The following USP37 variants were observed in gnomAD, a reference collection of about 807,000 sequenced individuals.
The protein encoded by USP37 is ubiquitin carboxyl-terminal hydrolase 37.
Under a neutral mutation model 124.0 loss-of-function variants are expected in USP37, and 27 were observed. The ratio of observed to expected loss-of-function variants is 0.22; its 90% confidence interval spans 0.16 to 0.30. The LOEUF is 0.30. Among genes scored for constraint, USP37 ranks in the 10% least tolerant of loss-of-function variants. The pLI, the probability that USP37 is intolerant of heterozygous loss-of-function variation, is 1.00. For synonymous variants in USP37, 365 were observed against 388.0 expected (o/e 0.94, Z 0.70); for missense variants, 889 against 1,140.4 (o/e 0.78, Z 3.17).
At chr2:218,506,933 A>G (rs1689714433) in intron 11 of USP37, among the ~76,000 whole-genome samples, 1 of 151,696 alleles carries the variant, frequency 6.6e-6, no homozygotes, top group Non-Finnish European at 1.5e-5. Flanking sequence ...AATAGCTGGG[A>G]TTACAGGCAC....
chr2:218,467,151 C>G (rs1344178028), intron 20 of USP37, among the ~76,000 whole-genome samples: 2 of 151,822 alleles, frequency 1.3e-5, no homozygotes, highest in African/African-American at 2.4e-5. Context: ...TTAAAACATT[C>G]AGGAAGGTAA....
chr2:218,553,368 AATG>A (rs1692772511), intron 5 of USP37, among the ~76,000 whole-genome samples, 182 bp downstream of exon 5: 1 of 152,190 alleles, frequency 6.6e-6, no homozygotes, highest in African/African-American at 2.4e-5. Context: ...ATTTGTCAAG[AATG>A]ATGTGTTACA....
rs746252977 is a variant in USP37 at position 218,497,822 on chromosome 2, C to T, written c.1193G>A (p.Cys398Tyr). 18 of 1,613,990 alleles carry T rather than the reference C, an allele frequency of 1.1e-5. No individual in the cohort carries two copies. The highest frequency in any genetic ancestry group is 1.4e-5 in the Non-Finnish European group (16 of 1,180,012). ...FAHLLVKKDI[C>Y]NSETKKDLLK... ...TAAATCCTTTTTGGTCTCTGAATTACAGATATCTTTTTTAACAAGCAAGTG... is the reference window on the plus strand; with the variant it reads ...TAAATCCTTTTTGGTCTCTGAATTATAGATATCTTTTTTAACAAGCAAGTG... Residue 398 changes from cysteine to tyrosine, a missense_variant, in exon 13 of 26, where the codon TGT becomes TAT. This residue lies in a region of USP37 where 504 missense variants were observed against 714.3 expected (regional missense o/e 0.71). Transcript: ENST00000258399.
intron 10 of USP37, among the ~76,000 whole-genome samples, chr2:218,519,002 G>A (rs1309633265): frequency 6.6e-6 from 1 of 152,160 alleles, no homozygotes; most frequent in Admixed American, 6.6e-5. Context: ...ACTAGAATTT[G>A]CTGCCCTTTC....
chr2:218,499,293 C>CA (rs35377276), intron 11 of USP37, among the ~76,000 whole-genome samples: 91,009 of 150,866 alleles, frequency 0.6, 27,562 homozygotes, highest in East Asian at 0.78. Flanking sequence ...CAAAAAACAA[C>CA]AAAAAAAAAC....
chr2:218,517,966 T>C (rs1690391623), intron 10 of USP37, among the ~76,000 whole-genome samples: 1 of 151,604 alleles, frequency 6.6e-6, no homozygotes, highest in African/African-American at 2.4e-5. Flanking sequence ...CCCCCACCCC[T>C]TTTTTTTGAG....
chr2:218,486,315 AAGTCT>A (rs1419517322), intron 15 of USP37: 2 of 152,284 alleles, frequency 1.3e-5, no homozygotes, highest in Non-Finnish European at 2.9e-5. Context: ...AAAATCTTCA[AAGTCT>A]ATGATAATAA....
chr2:218,541,600 A>G (rs970509844), intron 8 of USP37, among the ~76,000 whole-genome samples: 1 of 152,168 alleles, frequency 6.6e-6, no homozygotes, highest in African/African-American at 2.4e-5. Context: ...TAGAGGATGC[A>G]TGGAATTGAT....
intron 11 of USP37, among the ~76,000 whole-genome samples, chr2:218,500,316 G>T (rs1181969799): frequency 6.6e-6 from 1 of 152,154 alleles, no homozygotes; most frequent in Non-Finnish European, 1.5e-5. Flanking sequence ...CTGGAGTGCA[G>T]TGGTGTCATC....
chr2:218,512,831 A>G (rs1227280531), intron 10 of USP37, among the ~76,000 whole-genome samples: 1 of 152,154 alleles, frequency 6.6e-6, no homozygotes, highest in Non-Finnish European at 1.5e-5. Context: ...TTTCTCTTTT[A>G]CATAGCACAT....
At chr2:218,478,657 C>A (rs1691098146) in intron 18 of USP37, among the ~76,000 whole-genome samples, 1 of 152,164 alleles carries the variant, frequency 6.6e-6, no homozygotes, top group Admixed American at 6.6e-5. Flanking sequence ...TGACTTGGTA[C>A]ATAGAGTGCA....
chr2:218,546,381 G>T (rs370055966), intron 7 of USP37, 83 bp from the exon 8 acceptor site: 3 of 898,022 alleles, frequency 3.3e-6, no homozygotes, highest in Non-Finnish European at 3.5e-6. Flanking sequence ...CTGAAGGACA[G>T]GAAATGGGAC....
chr2:218,459,696 C>A, intron 23 of USP37, 94 bp downstream of exon 23: 2 of 992,294 alleles, frequency 2.0e-6, no homozygotes, highest in East Asian at 2.6e-5. Flanking sequence ...CAAAATGAAC[C>A]TGCAGTGGAC....
At chr2:218,557,289 T>C (rs1056234328) in intron 4 of USP37, among the ~76,000 whole-genome samples, 3 of 152,180 alleles carry the variant, frequency 2.0e-5, no homozygotes, top group African/African-American at 7.2e-5. Flanking sequence ...GTCATGCTCC[T>C]AAAGATCTGT....
At position 218,493,690 on chromosome 2, in the gene USP37, C is replaced by T. The variant is rs200823452; in HGVS notation, c.1472+2070G>A. Among the ~76,000 whole-genome samples, 10 of 152,172 alleles carry T rather than the reference C, an allele frequency of 6.6e-5. No homozygotes were observed. In the East Asian group the frequency reaches 1.7e-3, roughly 26 times the overall value. On this transcript the variant is annotated intron_variant, in intron 14 of 25. Coordinates refer to ENST00000258399, the MANE Select transcript of USP37 (RefSeq NM_020935.3). Reference sequence around the variant, plus strand: ...TTCACCATGTTGGCCAGGCTGGTCTCGAACTCCTGACCTCAGGTGATCCAC... The same window carrying T: ...TTCACCATGTTGGCCAGGCTGGTCTTGAACTCCTGACCTCAGGTGATCCAC...
chr2:218,533,162 T>A (rs1691428515), intron 9 of USP37, among the ~76,000 whole-genome samples: 1 of 152,132 alleles, frequency 6.6e-6, no homozygotes, highest in African/African-American at 2.4e-5. Context: ...TGAAAGAAGC[T>A]ATAATAGCAA....
chr2:218,499,887 T>A (rs1689279133), intron 11 of USP37, among the ~76,000 whole-genome samples: 1 of 151,488 alleles, frequency 6.6e-6, no homozygotes, highest in Non-Finnish European at 1.5e-5. Flanking sequence ...GCTCGAGCAA[T>A]CCTCCCACCT....
At chr2:218,479,249 C>A (rs920058829) in intron 18 of USP37, among the ~76,000 whole-genome samples, 3 of 152,110 alleles carry the variant, frequency 2.0e-5, no homozygotes, top group Non-Finnish European at 4.4e-5. Context: ...GACTGGCTAA[C>A]AACAGGTAAA....
chr2:218,523,809 T>C (rs530894575), intron 10 of USP37, among the ~76,000 whole-genome samples: 53 of 152,334 alleles, frequency 3.5e-4, no homozygotes, highest in African/African-American at 1.2e-3. Flanking sequence ...ATGACAATTC[T>C]GTTTTTCCCC....
Sources: gnomAD v4.1 joint callset for allele counts (sites outside exome capture counted in the v4.1 genomes callset) on GRCh38, gnomAD v4.1.1 for gene constraint, gnomAD v4.1.1 regional missense constraint, MANE v1.5 for transcripts, NCBI Gene and HGNC (gene_info 2026-07-23, HGNC 2026-07-21) for gene names.